FBXL7: variants seen among roughly 807,000 people sequenced by gnomAD.
The protein encoded by FBXL7 is F-box and leucine rich repeat protein 7.
Under a neutral mutation model 38.3 loss-of-function variants are expected in FBXL7, and 12 were observed. That is an observed-to-expected ratio of 0.31 (90% confidence interval 0.20 to 0.51). The LOEUF (loss-of-function observed/expected upper bound fraction) is 0.51, where lower values mean the gene tolerates loss of function less well. Among genes scored for constraint, FBXL7 ranks in the 20% least tolerant of loss-of-function variants. The pLI, the probability that FBXL7 is intolerant of heterozygous loss-of-function variation, is 0.98. For synonymous variants in FBXL7, 297 were observed against 300.9 expected (o/e 0.99, Z 0.13); for missense variants, 567 against 676.4 (o/e 0.84, Z 1.79).
chr5:15,662,089 G>A (rs774372198), intron 2 of FBXL7, among the ~76,000 whole-genome samples: 1 of 152,086 alleles, frequency 6.6e-6, no homozygotes, highest in Non-Finnish European at 1.5e-5. Context: ...CTGCTTTTAG[G>A]AATCGCCATA....
chr5:15,668,741 A>G (rs1742365192), intron 2 of FBXL7, among the ~76,000 whole-genome samples: 1 of 152,218 alleles, frequency 6.6e-6, no homozygotes, highest in Non-Finnish European at 1.5e-5. Flanking sequence ...CATCAAGTTT[A>G]TAATGTTATT....
intron 2 of FBXL7, among the ~76,000 whole-genome samples, chr5:15,682,598 A>G (rs1460713505): frequency 6.6e-6 from 1 of 152,110 alleles, no homozygotes; most frequent in African/African-American, 2.4e-5. Context: ...CTTGCTTAAT[A>G]CTTTATTTTT....
At chr5:15,679,422 C>T (rs1393615258) in intron 2 of FBXL7, among the ~76,000 whole-genome samples, 4 of 152,128 alleles carry the variant, frequency 2.6e-5, no homozygotes, top group African/African-American at 4.8e-5. Context: ...GATGTGATTA[C>T]GATCCTTATT....
At chr5:15,865,227 CCTGA>C (rs1171223286) in intron 2 of FBXL7, among the ~76,000 whole-genome samples, 3 of 152,086 alleles carry the variant, frequency 2.0e-5, no homozygotes, top group Non-Finnish European at 4.4e-5. Context: ...GGAGTAACGC[CCTGA>C]CTGACAGCTC....
chr5:15,855,479 A>T (rs977086507), intron 2 of FBXL7, among the ~76,000 whole-genome samples: 2 of 152,100 alleles, frequency 1.3e-5, no homozygotes, highest in Admixed American at 1.3e-4. Context: ...GCTAAATGTT[A>T]ACCATTTTTT....
chr5:15,538,979 G>A (rs1002071738), intron 1 of FBXL7, among the ~76,000 whole-genome samples: 23 of 152,232 alleles, frequency 1.5e-4, no homozygotes, highest in Non-Finnish European at 2.6e-4. Context: ...AGTGGTAGAA[G>A]AAAAAACTTC....
intron 2 of FBXL7, among the ~76,000 whole-genome samples, chr5:15,638,211 G>A (rs1741247851): frequency 6.6e-6 from 1 of 152,190 alleles, no homozygotes; most frequent in South Asian, 2.1e-4. Flanking sequence ...GGAACGAGGG[G>A]GATCTTGTAG....
At chr5:15,889,422 C>T (rs923829175) in intron 2 of FBXL7, among the ~76,000 whole-genome samples, 12 of 152,160 alleles carry the variant, frequency 7.9e-5, no homozygotes, top group Non-Finnish European at 1.8e-4. Context: ...AATCACTAAG[C>T]GGCAGAGATT....
chr5:15,867,722 G>A (rs929979737), intron 2 of FBXL7, among the ~76,000 whole-genome samples: 1 of 152,194 alleles, frequency 6.6e-6, no homozygotes, highest in Non-Finnish European at 1.5e-5. Flanking sequence ...TAAAGTGGAA[G>A]AGACAGGCAG....
At chr5:15,732,023 C>A (rs891513021) in intron 2 of FBXL7, among the ~76,000 whole-genome samples, 2 of 152,204 alleles carry the variant, frequency 1.3e-5, no homozygotes, top group Non-Finnish European at 2.9e-5. Flanking sequence ...GAGGAATTCA[C>A]TTGTTCCATT....
chr5:15,752,857 G>A (rs138905915), intron 2 of FBXL7, among the ~76,000 whole-genome samples: 11 of 152,244 alleles, frequency 7.2e-5, no homozygotes, highest in African/African-American at 2.4e-4. Context: ...GGTTCTTGGC[G>A]AACTGTAAAC....
At chr5:15,769,588 C>T (rs141577355) in intron 2 of FBXL7, among the ~76,000 whole-genome samples, 2 of 152,232 alleles carry the variant, frequency 1.3e-5, no homozygotes, top group East Asian at 1.9e-4. Flanking sequence ...AAAATGCACA[C>T]GCAAAATACT....
At chr5:15,634,163 T>A (rs1326484611) in intron 2 of FBXL7, among the ~76,000 whole-genome samples, 1 of 152,072 alleles carries the variant, frequency 6.6e-6, no homozygotes, top group Non-Finnish European at 1.5e-5. Flanking sequence ...CAAGTAAAAA[T>A]TTAGGTTGAA....
At chr5:15,689,926 A>G (rs577470914) in intron 2 of FBXL7, among the ~76,000 whole-genome samples, 90 of 152,316 alleles carry the variant, frequency 5.9e-4, no homozygotes, top group South Asian at 6.2e-4. Flanking sequence ...GCATTGTAAG[A>G]TGTTTTGCAG....
chr5:15,818,094 G>T (rs1738069801), intron 2 of FBXL7, among the ~76,000 whole-genome samples: 1 of 152,090 alleles, frequency 6.6e-6, no homozygotes, highest in South Asian at 2.1e-4. Flanking sequence ...CTAGTAAGTT[G>T]TGTGTATGCA....
chr5:15,511,502 T>G (rs1736796171), intron 1 of FBXL7, among the ~76,000 whole-genome samples: 1 of 152,206 alleles, frequency 6.6e-6, no homozygotes, highest in African/African-American at 2.4e-5. Flanking sequence ...AGTTTATACC[T>G]CATATTTTCC....
rs577929763 is a variant in FBXL7 at position 15,844,161 on chromosome 5, G to A, written c.128-83729G>A. ...ATTTGGATGTCTGCTTTTTTAGCAG[G>A]GGAAGGAAAAGCAATTGCCAGTAGA... On this transcript the variant is annotated intron_variant, in intron 2 of 3. Coordinates refer to ENST00000504595, the MANE Select transcript of FBXL7 (RefSeq NM_012304.5). Among the ~76,000 whole-genome samples the A allele has an allele frequency of 1.3e-4, 20 of 152,228 alleles. No homozygotes were observed. In the South Asian group the frequency reaches 3.9e-3, roughly 30 times the overall value.
At chr5:15,913,030 A>C (rs1561185566) in intron 2 of FBXL7, among the ~76,000 whole-genome samples, 1 of 152,188 alleles carries the variant, frequency 6.6e-6, no homozygotes, top group Non-Finnish European at 1.5e-5. Context: ...CTTTCTCTCT[A>C]TATTTGATAA....
chr5:15,740,225 G>A (rs1366788429), intron 2 of FBXL7, among the ~76,000 whole-genome samples: 1 of 152,158 alleles, frequency 6.6e-6, no homozygotes, highest in Admixed American at 6.6e-5. Flanking sequence ...TGTATGTGAA[G>A]ATCATTCTCT....
Sources: allele counts gnomAD v4.1 joint callset (sites outside exome capture counted in the v4.1 genomes callset), GRCh38; gene constraint gnomAD v4.1.1; transcripts MANE v1.5; gene names NCBI Gene and HGNC (gene_info 2026-07-23, HGNC 2026-07-21).